Variants in DLG2 observed in about 807,000 individuals in gnomAD.
DLG2 encodes discs large MAGUK scaffold protein 2.
In DLG2, 45 loss-of-function variants were observed where a neutral mutation model predicts 132.5. The ratio of observed to expected loss-of-function variants is 0.34; its 90% CI spans 0.27 to 0.44. The LOEUF is 0.44. Among genes scored for constraint, DLG2 ranks in the 20% least tolerant of loss-of-function variants. DLG2 has a pLI of 1.00. For missense variants in DLG2, 1,045 were observed against 1,196.9 expected (o/e 0.87, Z 1.87); for synonymous variants, 424 against 419.6 (o/e 1.01, Z -0.13).
At chr11:84,409,013 C>T (rs1386249615) in intron 7 of DLG2, among the ~76,000 whole-genome samples, 2 of 152,178 alleles carry the variant, frequency 1.3e-5, no homozygotes, top group Non-Finnish European at 2.9e-5. Flanking sequence ...TCCGATGACT[C>T]ACCATTTACA....
rs781009182 is a variant in DLG2, at chr11:83,471,672, G to A, written c.2400C>T (p.Asp800=). ...ILGPMKDRIN[D]DLISEFPDKF... is the part of the protein sequence containing the mutation. The stretch of plus-strand genomic sequence containing the variant: ...TATCAGGGAATTCAGATATCAAGTC[G>A]TCATTGATCCGATCCTTCATGGGCC... Residue 800 remains aspartate (D), a synonymous_variant, in exon 24 of 28, where the codon GAC becomes GAT. Coordinates refer to ENST00000376104, the MANE Select transcript of DLG2 (RefSeq NM_001142699.3). The A allele has an allele frequency of 7.4e-6, 12 of 1,613,142 alleles. No homozygotes were observed. The highest frequency in any genetic ancestry group is 4.4e-5 in the South Asian group (4 of 91,034).
At chr11:85,464,231 A>C (rs988354795) in intron 3 of DLG2, among the ~76,000 whole-genome samples, 1 of 152,190 alleles carries the variant, frequency 6.6e-6, no homozygotes, top group Non-Finnish European at 1.5e-5. Flanking sequence ...CACCAGATGG[A>C]TTCTTCCTGC....
intron 3 of DLG2, among the ~76,000 whole-genome samples, chr11:85,560,696 A>G (rs1449500676): frequency 6.6e-6 from 1 of 151,882 alleles, no homozygotes; most frequent in Non-Finnish European, 1.5e-5. Flanking sequence ...GATAAATTAT[A>G]TAATATGTAA....
At chr11:83,598,781 G>A (rs1347470115) in intron 19 of DLG2, among the ~76,000 whole-genome samples, 4 of 152,184 alleles carry the variant, frequency 2.6e-5, no homozygotes, top group Non-Finnish European at 5.9e-5. Flanking sequence ...AGCAAACAGA[G>A]TATACTGAAC....
intron 18 of DLG2, among the ~76,000 whole-genome samples, chr11:83,777,200 T>A (rs2094614732): frequency 6.6e-6 from 1 of 152,234 alleles, no homozygotes. Context: ...AGTAATAAAG[T>A]AAATTACTTT....
At chr11:84,735,318 T>C (rs1451172875) in intron 6 of DLG2, among the ~76,000 whole-genome samples, 2 of 152,194 alleles carry the variant, frequency 1.3e-5, no homozygotes, top group Non-Finnish European at 2.9e-5. Flanking sequence ...TTTCAGATTC[T>C]ATTATTGGTC....
chr11:83,868,310 A>T (rs2062782842), intron 16 of DLG2, among the ~76,000 whole-genome samples: 1 of 152,154 alleles, frequency 6.6e-6, no homozygotes, highest in Non-Finnish European at 1.5e-5. Context: ...GAACTTTCTT[A>T]TTCAGGAGAC....
intron 3 of DLG2, among the ~76,000 whole-genome samples, chr11:85,478,156 G>A (rs1262065106): frequency 2.0e-5 from 3 of 151,916 alleles, no homozygotes; most frequent in Non-Finnish European, 4.4e-5. Flanking sequence ...TAAAGGCTTT[G>A]TCACCATGCC....
chr11:84,796,848 T>C (rs966644601), intron 6 of DLG2, among the ~76,000 whole-genome samples: 18 of 151,228 alleles, frequency 1.2e-4, no homozygotes, highest in Admixed American at 1.1e-3. Flanking sequence ...ATTTTATTTA[T>C]TTATTTATTT....
chr11:84,748,137 T>G (rs1360587104), intron 6 of DLG2, among the ~76,000 whole-genome samples: 1 of 152,106 alleles, frequency 6.6e-6, no homozygotes, highest in East Asian at 1.9e-4. Flanking sequence ...GCTCTCCCAT[T>G]TGGATACCAG....
At chr11:83,622,826 C>T (rs1476778930) in intron 19 of DLG2, among the ~76,000 whole-genome samples, 1 of 152,036 alleles carries the variant, frequency 6.6e-6, no homozygotes, top group Non-Finnish European at 1.5e-5. Context: ...TATGGCTGAA[C>T]TTGTGGTTAA....
chr11:83,787,920 G>T, intron 17 of DLG2, among the ~76,000 whole-genome samples: 1 of 152,176 alleles, frequency 6.6e-6, no homozygotes, highest in East Asian at 1.9e-4. Flanking sequence ...TTCTCTGTCT[G>T]CCCCAGAAGA....
rs115182254 is a variant in DLG2 at position 84,488,340 on chromosome 11, G to A, written c.519+46230C>T. On this transcript the variant is annotated intron_variant, in intron 7 of 27. Transcript: ENST00000376104. ...GGGAGGTGGTAGGAGAATAAAGTTC[G>A]GGTAAGGATGGTAAGATGACCTCCA... 3.3e-3 allele frequency among the ~76,000 whole-genome samples: 507 copies of A among 152,216 alleles called. 1 individual carries two copies. Among genetic ancestry groups the A allele is most frequent in the African/African-American group, 0.011 (466 of 41,554 alleles).
At chr11:85,576,119 A>C (rs1160928279) in intron 3 of DLG2, among the ~76,000 whole-genome samples, 1 of 152,222 alleles carries the variant, frequency 6.6e-6, no homozygotes, top group Non-Finnish European at 1.5e-5. Context: ...CCTCTAGATT[A>C]AACACTAGAA....
intron 5 of DLG2, among the ~76,000 whole-genome samples, chr11:85,126,764 T>C (rs2075163499): frequency 6.6e-6 from 1 of 152,164 alleles, no homozygotes; most frequent in Admixed American, 6.6e-5. Flanking sequence ...AAAGAAGCTA[T>C]AGACCCTAAC....
chr11:83,743,192 T>C (rs564068131), intron 18 of DLG2, among the ~76,000 whole-genome samples: 20 of 152,156 alleles, frequency 1.3e-4, no homozygotes, highest in Non-Finnish European at 2.5e-4. Context: ...GGTGGTTTTA[T>C]TCATCTCTGC....
chr11:83,791,242 G>C (rs1429185780), intron 17 of DLG2: 5 of 655,168 alleles, frequency 7.6e-6, no homozygotes, highest in Non-Finnish European at 1.4e-5. Context: ...AAAGACTATC[G>C]GTGCTGAGGA....
intron 21 of DLG2, among the ~76,000 whole-genome samples, chr11:83,491,227 C>T (rs1367982): frequency 0.62 from 92,879 of 150,232 alleles, 29,371 homozygotes; most frequent in African/African-American, 0.74. Flanking sequence ...AAGGGGCTAC[C>T]TGTACCTAGA....
intron 7 of DLG2, among the ~76,000 whole-genome samples, chr11:84,506,138 G>C (rs1388137003): frequency 2.1e-5 from 3 of 143,820 alleles, no homozygotes; most frequent in African/African-American, 8.3e-5. Context: ...TGCAGTGGCG[G>C]GATCTCGGCT....
Sources: gnomAD v4.1 joint callset for allele counts (sites outside exome capture counted in the v4.1 genomes callset) on GRCh38, gnomAD v4.1.1 for gene constraint, MANE v1.5 for transcripts, NCBI Gene and HGNC (gene_info 2026-07-23, HGNC 2026-07-21) for gene names.